Variants in CCDC82 observed in about 807,000 individuals in gnomAD.
The protein encoded by CCDC82 is coiled-coil domain containing 82.
Under a neutral mutation model 60.6 loss-of-function variants are expected in CCDC82, and 47 were observed. That is an observed-to-expected ratio of 0.77 (90% CI 0.61 to 0.99). The LOEUF (loss-of-function observed/expected upper bound fraction) is 0.99, where lower values mean the gene tolerates loss of function less well. Ranked by LOEUF, CCDC82 falls within the 50% of genes least tolerant of loss-of-function variation. The pLI, the probability that CCDC82 is intolerant of heterozygous loss-of-function variation, is 0.00. For synonymous variants in CCDC82, 212 were observed against 207.4 expected (o/e 1.02, Z -0.19); for missense variants, 588 against 633.0 (o/e 0.93, Z 0.76).
Position 96,384,728 on chromosome 11 carries a change from TG to T in CCDC82, c.19del (p.His7MetfsTer81). On this transcript the variant is annotated frameshift_variant, in exon 4 of 10. Coordinates refer to ENST00000646818, the MANE Select transcript of CCDC82 (RefSeq NM_024725.4). LOFTEE classifies it high-confidence loss of function. MIHVRR[H>X]ETRRNSKSHV... Reference sequence around the variant, plus strand: ...ACTCTTAGAATTTCTCCTTGTTTCATGTCTTCTAACATGTATCATTTTCACT... The same window carrying T: ...ACTCTTAGAATTTCTCCTTGTTTCATTCTTCTAACATGTATCATTTTCACT... 1 of 1,607,040 alleles carries T rather than the reference TG, an allele frequency of 6.2e-7. No homozygotes were observed. Among genetic ancestry groups the T allele is most frequent in the Non-Finnish European group, 8.5e-7 (1 of 1,177,454 alleles).
chr11:96,358,518 T>C lies in CCDC82; in HGVS notation c.1566+475A>G, dbSNP rs538408355. The C allele has an allele frequency of 2.4e-6, 3 of 1,233,470 alleles. No homozygotes were observed. The Admixed American group carries it at 1.3e-4, about 52-fold the overall frequency. 76.4% of individuals were successfully genotyped at this position (1,233,470 alleles called of 1,614,324 possible). ...TTACAGTGCTCACTGCTCAGTCCCA[T>C]GTCCTCAAGAAGAGGATGTGGGTGT... On this transcript the variant is annotated intron_variant, in intron 9 of 9. Coordinates refer to ENST00000646818, the MANE Select transcript of CCDC82 (RefSeq NM_024725.4).
rs759672040 is a variant in CCDC82, at chr11:96,384,437, C to G, written c.311G>C (p.Gly104Ala). ...GNDSKCLINSGNGSTYEEETN... is the reference protein window; with the variant it reads ...GNDSKCLINSANGSTYEEETN... ...TTCTTCTTCATATGTTGAACCGTTGCCAGAGTTAATGAGACACTTACTGTC... is the reference window on the plus strand; with the variant it reads ...TTCTTCTTCATATGTTGAACCGTTGGCAGAGTTAATGAGACACTTACTGTC... Residue 104 changes from glycine (G) to alanine (A), a missense_variant, in exon 4 of 10, where the codon GGC becomes GCC. By Grantham distance (60) the Gly-to-Ala change is moderately conservative (BLOSUM62 0). Transcript: ENST00000646818. The G allele has an allele frequency of 1.2e-6, 2 of 1,613,758 alleles. No individual in the cohort carries two copies. Among genetic ancestry groups the G allele is most frequent in the Admixed American group, 3.3e-5 (2 of 59,982 alleles).
At chr11:96,360,008 C>G (rs1175502735) in intron 8 of CCDC82, among the ~76,000 whole-genome samples, 1 of 150,816 alleles carries the variant, frequency 6.6e-6, no homozygotes, top group Non-Finnish European at 1.5e-5. Flanking sequence ...ATCAAATAAC[C>G]AGAACCTTTC....
At chr11:96,366,593 A>AATAAT (rs924347992) in intron 7 of CCDC82, among the ~76,000 whole-genome samples, 3 of 152,152 alleles carry the variant, frequency 2.0e-5, no homozygotes, top group African/African-American at 7.2e-5. Context: ...AAAGAGGGGA[A>AATAAT]ATAATAGTGC....
intron 5 of CCDC82, 177 bp downstream of exon 5, chr11:96,383,092 A>G (rs1044882604): frequency 8.9e-6 from 5 of 561,862 alleles, no homozygotes; most frequent in Non-Finnish European, 1.6e-5. Context: ...ATAATTTTGA[A>G]AAATGTAAAT....
intron 5 of CCDC82, among the ~76,000 whole-genome samples, chr11:96,378,658 T>C (rs191262402): frequency 6.6e-6 from 1 of 152,128 alleles, no homozygotes; most frequent in African/African-American, 2.4e-5. Flanking sequence ...CCTCTGAATA[T>C]ATAATAGAGT....
chr11:96,353,874 C>T lies in CCDC82; in HGVS notation c.1567-160G>A, dbSNP rs1484058000. The T allele has an allele frequency of 4.8e-5, 26 of 543,816 alleles. 2 individuals carry two copies. The highest frequency in any genetic ancestry group is 7.5e-5 in the Non-Finnish European group (23 of 308,210). The allele number at this position is 543,816 out of a possible 1,614,324, so 33.7% of individuals were successfully genotyped here. ...GGAACTTAATTTCAAATAAGCATTC[C>T]TAACTCATATATAACTCATATATTT... On this transcript the variant is annotated intron_variant, in intron 9 of 9. Coordinates refer to ENST00000646818, the MANE Select transcript of CCDC82 (RefSeq NM_024725.4).
At chr11:96,370,991 G>A (rs373060828) in intron 7 of CCDC82, 22 bp downstream of exon 7, 8 of 1,493,890 alleles carry the variant, frequency 5.4e-6, no homozygotes, top group African/African-American at 2.9e-5. Context: ...CCCAAGCAGA[G>A]ATTCAAAAAC....
intron 7 of CCDC82, 69 bp from the exon 8 acceptor site, chr11:96,365,219 A>C: frequency 9.7e-7 from 1 of 1,035,530 alleles, no homozygotes; most frequent in Non-Finnish European, 1.4e-6. Context: ...AATCTAACCA[A>C]TTAAAACATC....
intron 8 of CCDC82, chr11:96,363,475 CAT>C (rs1191969376): frequency 6.6e-5 from 10 of 152,188 alleles, no homozygotes; most frequent in African/African-American, 1.2e-4. Flanking sequence ...TTAACGTTTA[CAT>C]ATAGTTATAT....
intron 8 of CCDC82, among the ~76,000 whole-genome samples, chr11:96,360,793 G>A (rs149559876): frequency 1.3e-5 from 2 of 152,328 alleles, no homozygotes; most frequent in East Asian, 1.9e-4. Context: ...GCAGGAGTAT[G>A]TTTCCAAAAA....
intron 9 of CCDC82, chr11:96,357,807 C>T (rs1864423531): frequency 3.0e-6 from 3 of 985,326 alleles, no homozygotes; most frequent in Non-Finnish European, 3.6e-6. Context: ...TGAATAAGTG[C>T]TCTCTCCTAA....
chr11:96,381,552 C>G (rs954450806), intron 5 of CCDC82: 1 of 151,612 alleles, frequency 6.6e-6, no homozygotes, highest in Admixed American at 6.6e-5. Context: ...TTGTTCCTAC[C>G]AGAGCTGTAA....
chr11:96,364,280 C>G (rs1864830547), intron 8 of CCDC82: 1 of 152,042 alleles, frequency 6.6e-6, no homozygotes, highest in South Asian at 2.1e-4. Flanking sequence ...TCAAACAAAA[C>G]ATTACAGACC....
intron 2 of CCDC82, 85 bp downstream of exon 2, chr11:96,387,445 A>T (rs984560820): frequency 6.6e-6 from 1 of 152,230 alleles, no homozygotes; most frequent in African/African-American, 2.4e-5. Flanking sequence ...ATTGATTTTT[A>T]AATCCTGACA....
chr11:96,368,571 A>T (rs1865073987), intron 7 of CCDC82, among the ~76,000 whole-genome samples: 1 of 152,138 alleles, frequency 6.6e-6, no homozygotes, highest in African/African-American at 2.4e-5. Flanking sequence ...TAGCTATAAA[A>T]GTCCTAGATG....
At chr11:96,357,163 C>G in intron 9 of CCDC82, 1 of 985,278 alleles carries the variant, frequency 1.0e-6, no homozygotes, top group African/African-American at 1.7e-5. Flanking sequence ...TGTCAGAGCA[C>G]GTGACAAATT....
At chr11:96,383,154 ATG>A in intron 5 of CCDC82, 113 bp downstream of exon 5, 1 of 688,948 alleles carries the variant, frequency 1.5e-6, no homozygotes, top group Non-Finnish European at 2.5e-6. Flanking sequence ...TTATCTGAAA[ATG>A]AAACCACAGT....
intron 3 of CCDC82, chr11:96,385,967 C>G (rs1866168261): frequency 6.6e-6 from 1 of 152,150 alleles, no homozygotes; most frequent in Admixed American, 6.5e-5. Flanking sequence ...AATATTTCCA[C>G]CACAGCACAG....
Sources: allele counts gnomAD v4.1 joint callset (sites outside exome capture counted in the v4.1 genomes callset), GRCh38; gene constraint gnomAD v4.1.1; transcripts MANE v1.5; gene names NCBI Gene and HGNC (gene_info 2026-07-23, HGNC 2026-07-21).